Variants in NALF1 observed in about 807,000 individuals in gnomAD.
NALF1 encodes the protein NALCN channel auxiliary factor 1, also known as family with sequence similarity 155 member A.
A neutral mutation model predicts 48.4 loss-of-function variants in NALF1; 3 were observed. That is an observed-to-expected ratio of 0.06 (90% CI 0.03 to 0.16). The LOEUF (loss-of-function observed/expected upper bound fraction) is 0.16, where lower values mean the gene tolerates loss of function less well. Ranked by LOEUF, NALF1 falls within the 10% of genes least tolerant of loss-of-function variation. NALF1 has a pLI of 1.00. For missense variants in NALF1, 526 were observed against 571.5 expected (o/e 0.92, Z 0.81); for synonymous variants, 262 against 245.7 (o/e 1.07, Z -0.62).
chr13:107,422,634 G>A (rs1309362646), intron 1 of NALF1, among the ~76,000 whole-genome samples: 2 of 152,044 alleles, frequency 1.3e-5, no homozygotes, highest in African/African-American at 4.8e-5. Flanking sequence ...CCCCGCAAAA[G>A]CCACTTCCTT....
chr13:107,181,416 C>T (rs1051030424), intron 2 of NALF1, among the ~76,000 whole-genome samples: 2 of 151,368 alleles, frequency 1.3e-5, no homozygotes, highest in African/African-American at 2.4e-5. Flanking sequence ...CTCTTATGTA[C>T]GTATTTTGTA....
chr13:107,344,252 T>C (rs547398033), intron 1 of NALF1, among the ~76,000 whole-genome samples: 2 of 152,190 alleles, frequency 1.3e-5, no homozygotes, highest in South Asian at 4.1e-4. Flanking sequence ...AAGAATTCTA[T>C]GAAACATTTA....
chr13:107,322,961 A>T (rs1001807487), intron 1 of NALF1, among the ~76,000 whole-genome samples: 5 of 152,042 alleles, frequency 3.3e-5, no homozygotes, highest in Admixed American at 3.3e-4. Context: ...ACCTGGATAT[A>T]CCCAGAGCTT....
At chr13:107,341,503 C>T (rs1011380251) in intron 1 of NALF1, among the ~76,000 whole-genome samples, 3 of 151,862 alleles carry the variant, frequency 2.0e-5, no homozygotes, top group Non-Finnish European at 4.4e-5. Context: ...TTCTCTGTGC[C>T]TTGTTTTACT....
At chr13:107,693,334 G>GGGGGGGGGA (rs535333019) in intron 1 of NALF1, among the ~76,000 whole-genome samples, 3 of 124,074 alleles carry the variant, frequency 2.4e-5, no homozygotes, top group Non-Finnish European at 3.4e-5. Flanking sequence ...AGGGTAGGGG[G>GGGGGGGGGA]GGCGGGAGGG....
chr13:107,310,276 G>A (rs1359435438), intron 1 of NALF1, among the ~76,000 whole-genome samples: 2 of 151,972 alleles, frequency 1.3e-5, no homozygotes, highest in African/African-American at 4.8e-5. Context: ...CGGGCGTGGT[G>A]GCGGGCACTT....
At chr13:107,525,778 C>G (rs1439386317) in intron 1 of NALF1, among the ~76,000 whole-genome samples, 1 of 152,072 alleles carries the variant, frequency 6.6e-6, no homozygotes, top group Non-Finnish European at 1.5e-5. Context: ...TGCACATTTA[C>G]CAGCCCTTGG....
chr13:107,527,136 A>T (rs183222728), intron 1 of NALF1, among the ~76,000 whole-genome samples: 1 of 152,130 alleles, frequency 6.6e-6, no homozygotes, highest in South Asian at 2.1e-4. Flanking sequence ...GTAAGGAAAA[A>T]AATAAATGTC....
In NALF1 at chr13:107,402,616, T is replaced by G. The variant is rs1408020; in HGVS notation, c.916-191861A>C. Among the ~76,000 whole-genome samples the G allele has an allele frequency of 8.6e-3, 1,310 of 152,298 alleles. 12 individuals carry two copies. Among genetic ancestry groups the G allele is most frequent in the African/African-American group, 0.029 (1,193 of 41,568 alleles). On this transcript the variant is annotated intron_variant, in intron 1 of 2. Transcript: ENST00000375915. ...GTCACATGGTTTTAACTTATGTGTA[T>G]GTTAGCTGGAGGTATTCTGCATCAT...
intron 1 of NALF1, among the ~76,000 whole-genome samples, chr13:107,779,319 T>A (rs150946374): frequency 7.9e-5 from 12 of 152,340 alleles, no homozygotes; most frequent in African/African-American, 2.4e-4. Context: ...ACCTCTGATA[T>A]CACCTTCATG....
At chr13:107,845,713 G>A (rs2138638237) in intron 1 of NALF1, among the ~76,000 whole-genome samples, 1 of 152,150 alleles carries the variant, frequency 6.6e-6, no homozygotes, top group Middle Eastern at 3.4e-3. Context: ...CCAAAATATT[G>A]CTAAACACAT....
chr13:107,344,196 A>T (rs888782129), intron 1 of NALF1, among the ~76,000 whole-genome samples: 2 of 152,196 alleles, frequency 1.3e-5, no homozygotes, highest in African/African-American at 4.8e-5. Context: ...ATCAGTAATC[A>T]GAAACCTCCC....
At chr13:107,216,562 G>C (rs1390921097) in intron 1 of NALF1, among the ~76,000 whole-genome samples, 1 of 152,130 alleles carries the variant, frequency 6.6e-6, no homozygotes, top group Non-Finnish European at 1.5e-5. Flanking sequence ...GCTTTGTCTT[G>C]GCTCCATTTC....
intron 1 of NALF1, among the ~76,000 whole-genome samples, chr13:107,739,746 A>G (rs1876578006): frequency 6.6e-6 from 1 of 152,174 alleles, no homozygotes; most frequent in Non-Finnish European, 1.5e-5. Context: ...GAGCGAGCGG[A>G]ACTTCATCTG....
intron 1 of NALF1, among the ~76,000 whole-genome samples, chr13:107,341,880 A>AACACACAT (rs1555333417): frequency 6.8e-6 from 1 of 146,704 alleles, no homozygotes; most frequent in East Asian, 2.0e-4. Context: ...TGCACATGCA[A>AACACACAT]ACACACACAC....
chr13:107,175,050 ACTTTTTT>A (rs755348362), intron 2 of NALF1, among the ~76,000 whole-genome samples: 1 of 90,068 alleles, frequency 1.1e-5, no homozygotes. Context: ...CGCCCGGCTA[ACTTTTTT>A]TTTTTGTATT....
rs200305455 is a variant in NALF1, at chr13:107,477,125, C to T, written c.916-266370G>A. ...ATTTGTACACTTGAACTTTCAATAACTTACTGTGAACTGAGACCTCAAGGA... is the reference window on the plus strand; with the variant it reads ...ATTTGTACACTTGAACTTTCAATAATTTACTGTGAACTGAGACCTCAAGGA... On this transcript the variant is annotated intron_variant, in intron 1 of 2. Transcript: ENST00000375915. 1.4e-4 allele frequency among the ~76,000 whole-genome samples: 22 copies of T among 152,182 alleles called. No homozygotes were observed. In the East Asian group the frequency reaches 3.7e-3, roughly 25 times the overall value.
intron 1 of NALF1, among the ~76,000 whole-genome samples, chr13:107,578,012 C>T (rs1424886892): frequency 6.6e-6 from 1 of 152,140 alleles, no homozygotes; most frequent in Admixed American, 6.5e-5. Flanking sequence ...AAAAGTATCT[C>T]CTGTGGGGTT....
chr13:107,539,250 G>T (rs924436966), intron 1 of NALF1, among the ~76,000 whole-genome samples: 2 of 151,904 alleles, frequency 1.3e-5, no homozygotes, highest in Admixed American at 1.3e-4. Flanking sequence ...TCAGCATCTG[G>T]TGAGGGTCAT....
Sources: gnomAD v4.1 joint callset for allele counts (sites outside exome capture counted in the v4.1 genomes callset) on GRCh38, gnomAD v4.1.1 for gene constraint, MANE v1.5 for transcripts, NCBI Gene and HGNC (gene_info 2026-07-23, HGNC 2026-07-21) for gene names.